The following KALRN variants were observed in gnomAD, a reference collection of about 807,000 sequenced individuals.
The protein encoded by KALRN is kalirin RhoGEF kinase.
A neutral mutation model predicts 353.7 loss-of-function variants in KALRN; 70 were observed. That is an observed-to-expected ratio of 0.20 (90% confidence interval 0.16 to 0.24). The LOEUF is 0.24. KALRN is among the 10% of genes least tolerant of loss of function. The pLI is 1.00. For synonymous variants in KALRN, 1,391 were observed against 1,434.8 expected (o/e 0.97, Z 0.69); for missense variants, 2,791 against 3,756.7 (o/e 0.74, Z 6.72).
At chr3:124,120,105 T>C (rs2063824039) in intron 1 of KALRN, among the ~76,000 whole-genome samples, 1 of 152,178 alleles carries the variant, frequency 6.6e-6, no homozygotes. Flanking sequence ...TTCTAGGAGA[T>C]GGATTTCAAG....
chr3:124,374,042 T>TGTCTGTGTTTCCTC (rs1429251883), intron 10 of KALRN, among the ~76,000 whole-genome samples: 42 of 152,314 alleles, frequency 2.8e-4, no homozygotes, highest in African/African-American at 9.9e-4. Flanking sequence ...CCTCCAAATG[T>TGTCTGTGTTTCCTC]ATATATTGAA....
chr3:124,286,129 TTC>T (rs1580501799), intron 5 of KALRN, among the ~76,000 whole-genome samples: 1 of 150,346 alleles, frequency 6.7e-6, no homozygotes, highest in South Asian at 2.1e-4. Flanking sequence ...CTTTCTTTCT[TTC>T]TTTCTTTCCT....
chr3:124,098,228 A>G (rs1559945272), intron 1 of KALRN, among the ~76,000 whole-genome samples: 1 of 152,158 alleles, frequency 6.6e-6, no homozygotes, highest in Non-Finnish European at 1.5e-5. Context: ...TAGGTGATTT[A>G]CAGATGTTTC....
At chr3:124,090,777 G>T (rs1439924325) in intron 1 of KALRN, among the ~76,000 whole-genome samples, 2 of 152,208 alleles carry the variant, frequency 1.3e-5, no homozygotes, top group South Asian at 2.1e-4. Context: ...TGGGGAGCTT[G>T]TTAAAAATGC....
intron 25 of KALRN, among the ~76,000 whole-genome samples, chr3:124,472,844 T>C (rs2061073969): frequency 6.6e-6 from 1 of 152,170 alleles, no homozygotes; most frequent in African/African-American, 2.4e-5. Flanking sequence ...GCACTACATA[T>C]TTGCATTTCT....
chr3:124,166,812 G>A (rs1349496764), intron 1 of KALRN, among the ~76,000 whole-genome samples: 1 of 152,118 alleles, frequency 6.6e-6, no homozygotes, highest in Non-Finnish European at 1.5e-5. Context: ...GCTGAGGCAG[G>A]TGGGTCACTG....
intron 23 of KALRN, among the ~76,000 whole-genome samples, chr3:124,458,384 C>A (rs1373594521): frequency 6.6e-6 from 1 of 151,192 alleles, no homozygotes; most frequent in Admixed American, 6.6e-5. Flanking sequence ...TGTGTAAGTC[C>A]TATTGATTCT....
intron 5 of KALRN, among the ~76,000 whole-genome samples, chr3:124,281,079 G>T (rs1406517270): frequency 6.6e-6 from 1 of 152,010 alleles, no homozygotes; most frequent in Non-Finnish European, 1.5e-5. Flanking sequence ...AAAAAAACAC[G>T]CAAAGGAATA....
At chr3:124,150,538 C>T (rs1454385284) in intron 1 of KALRN, among the ~76,000 whole-genome samples, 1 of 152,162 alleles carries the variant, frequency 6.6e-6, no homozygotes, top group Non-Finnish European at 1.5e-5. Context: ...CTCCTCCCCA[C>T]CCCACAACAA....
Position 124,657,925 on chromosome 3 carries a change from G to T in KALRN, c.6036+122G>T, listed in dbSNP as rs1578724067. The stretch of plus-strand genomic sequence containing the variant: ...TTCCAACACTTTAGGAGGCCAAGGT[G>T]GGAGGGTGGCTTGACCCCAGGAATT... On this transcript the variant is annotated intron_variant, in intron 41 of 59. Transcript: ENST00000682506. 8.2e-6 allele frequency: 6 copies of T among 728,532 alleles called. No individual in the cohort carries two copies. The East Asian group carries it at 1.5e-4, about 19-fold the overall frequency. The allele number at this position is 728,532 out of a possible 1,614,324, so 45.1% of individuals were successfully genotyped here.
chr3:124,246,158 G>A (rs35112727), intron 3 of KALRN, among the ~76,000 whole-genome samples: 91,851 of 152,202 alleles, frequency 0.6, 28,128 homozygotes, highest in African/African-American at 0.64. Flanking sequence ...AGAAACCTCC[G>A]TACTGTTTTC....
chr3:124,376,193 G>A (rs1445638), intron 10 of KALRN, among the ~76,000 whole-genome samples: 62,604 of 151,928 alleles, frequency 0.41, 13,478 homozygotes, highest in East Asian at 0.74. Context: ...GGAGGTATTG[G>A]CACCTGCAAT....
rs1392358727 is a variant in KALRN, at chr3:124,242,573, T to C, written c.263+7630T>C. On this transcript the variant is annotated intron_variant, in intron 3 of 59. Coordinates refer to ENST00000682506, the MANE Select transcript of KALRN (RefSeq NM_001388419.1). ...GACTGGATTTGGAACAGAGGGACAA[T>C]GGAAGAGGGCGGTAGGGAAGGGCAC... 2.0e-5 allele frequency among the ~76,000 whole-genome samples: 3 copies of C among 152,148 alleles called. No homozygotes were observed. The East Asian group carries it at 5.8e-4, about 29-fold the overall frequency.
At chr3:124,397,348 T>C (rs1189751915) in intron 12 of KALRN, among the ~76,000 whole-genome samples, 1 of 152,186 alleles carries the variant, frequency 6.6e-6, no homozygotes, top group Non-Finnish European at 1.5e-5. Context: ...CTGTGACCGG[T>C]AGACGGAAGG....
chr3:124,299,519 C>A (rs73858410), intron 6 of KALRN, among the ~76,000 whole-genome samples: 1,963 of 152,194 alleles, frequency 0.013, 46 homozygotes, highest in African/African-American at 0.043. Flanking sequence ...GTGAGCTCTC[C>A]ATGATGAGCA....
At chr3:124,111,614 C>G (rs902068502) in intron 1 of KALRN, among the ~76,000 whole-genome samples, 1 of 152,154 alleles carries the variant, frequency 6.6e-6, no homozygotes, top group African/African-American at 2.4e-5. Flanking sequence ...GAAGCATAGT[C>G]ATGGTTCTTG....
rs766431991 is a variant in KALRN at position 124,434,343 on chromosome 3, C to G, written c.2866C>G (p.Gln956Glu). 6.2e-7 allele frequency: 1 copy of G among 1,613,366 alleles called. No homozygotes were observed. The highest frequency in any genetic ancestry group is 1.1e-5 in the South Asian group (1 of 91,038). The stretch of plus-strand genomic sequence containing the variant: ...TGCCACTTCCTTGCAGAAGACGCAC[C>G]AGAGTGCCCTGCAGGTACAGCAGAA... Reference protein sequence around the residue: ...FHATSLQKTHQSALQVQQKAE... With the variant: ...FHATSLQKTHESALQVQQKAE... Residue 956 changes from glutamine to glutamate, a missense_variant, in exon 17 of 60, where the codon CAG becomes GAG. Physicochemically the swap from Gln to Glu is conservative, Grantham distance 29 (BLOSUM62 2). This residue lies in a region of KALRN where 452 missense variants were observed against 575.8 expected (regional missense o/e 0.78). Coordinates refer to ENST00000682506, the MANE Select transcript of KALRN (RefSeq NM_001388419.1).
At chr3:124,078,864 G>C (rs2060392748) in intron 1 of KALRN, among the ~76,000 whole-genome samples, 1 of 152,216 alleles carries the variant, frequency 6.6e-6, no homozygotes, top group Non-Finnish European at 1.5e-5. Flanking sequence ...CTAGGGACTG[G>C]GACAAGGGTT....
At chr3:124,051,326 A>G (rs140272589) in intron 1 of KALRN, among the ~76,000 whole-genome samples, 3 of 152,352 alleles carry the variant, frequency 2.0e-5, no homozygotes, top group African/African-American at 7.2e-5. Context: ...TCTGATAAAT[A>G]TGACTAATGG....
Sources: allele counts gnomAD v4.1 joint callset (sites outside exome capture counted in the v4.1 genomes callset), GRCh38; gene constraint gnomAD v4.1.1; regional missense constraint gnomAD v4.1.1; transcripts MANE v1.5; gene names NCBI Gene and HGNC (gene_info 2026-07-23, HGNC 2026-07-21).